Variants in FA2H observed in about 807,000 individuals in gnomAD.
The protein encoded by FA2H is fatty acid alpha-hydroxylase.
FA2H carries 22 observed loss-of-function variants against 44.9 expected under a neutral mutation model. The observed-to-expected ratio is 0.49, with a 90% confidence interval of 0.35 to 0.70. The LOEUF (loss-of-function observed/expected upper bound fraction) is 0.70. FA2H is among the 30% of genes least tolerant of loss of function. The pLI, the probability that FA2H is intolerant of heterozygous loss-of-function variation, is 0.01. For synonymous variants in FA2H, 243 were observed against 213.2 expected, an observed-to-expected ratio of 1.14 and a Z score of -1.22; for missense variants, 501 against 504.9, an observed-to-expected ratio of 0.99 and a Z score of 0.07.
At chr16:74,752,921 C>A (rs1962554031) in intron 1 of FA2H, among the ~76,000 whole-genome samples, 1 of 152,188 alleles carries the variant, frequency 6.6e-6, no homozygotes, top group South Asian at 2.1e-4. Context: ...TCAGAGAGAC[C>A]AGAATGTCAC....
rs61383132 is a variant in FA2H, at chr16:74,763,584, T to C, written c.270+10902A>G. ...GGAATTTATAAACTAAAACCAGCCA[T>C]TTCTAGAGATCCCTAAAAACTCTAA... On this transcript the variant is annotated intron_variant, in intron 1 of 6. Transcript: ENST00000219368. 6.6e-3 allele frequency among the ~76,000 whole-genome samples: 1,004 copies of C among 152,322 alleles called. 13 individuals are homozygous for C. Among genetic ancestry groups the C allele is most frequent in the African/African-American group, 0.023 (969 of 41,580 alleles).
intron 6 of FA2H, among the ~76,000 whole-genome samples, chr16:74,715,711 T>G (rs1480018016): frequency 1.3e-5 from 2 of 152,238 alleles, no homozygotes; most frequent in African/African-American, 2.4e-5. Flanking sequence ...ACTAGAAAAT[T>G]TAAAATCACA....
In FA2H at chr16:74,747,251, C is replaced by T. The variant is rs548460283; in HGVS notation, c.271-7136G>A. 3.5e-4 allele frequency among the ~76,000 whole-genome samples: 53 copies of T among 152,096 alleles called. 1 individual carries two copies. In the South Asian group the frequency reaches 0.01, roughly 30 times the overall value. ...GCTTGAACCCAGGAAATGGAGGCTG[C>T]AGTGAGCCGAGATCTCGCCACTGCA... is the stretch of plus-strand genomic sequence containing the variant. On this transcript the variant is annotated intron_variant, in intron 1 of 6. Coordinates refer to ENST00000219368, the MANE Select transcript of FA2H (RefSeq NM_024306.5).
chr16:74,735,701 C>T (rs1159228811), intron 2 of FA2H, among the ~76,000 whole-genome samples: 1 of 152,156 alleles, frequency 6.6e-6, no homozygotes, highest in African/African-American at 2.4e-5. Flanking sequence ...GATAATCCTA[C>T]GCAATAATAA....
intron 1 of FA2H, among the ~76,000 whole-genome samples, chr16:74,759,422 C>T (rs951243184): frequency 2.6e-5 from 4 of 152,164 alleles, no homozygotes; most frequent in Non-Finnish European, 5.9e-5. Context: ...ACTCAGGGTG[C>T]AAGGTGAACT....
chr16:74,745,022 C>A, intron 1 of FA2H, among the ~76,000 whole-genome samples: 1 of 152,136 alleles, frequency 6.6e-6, no homozygotes, highest in Admixed American at 6.5e-5. Flanking sequence ...GGTGTCCAAC[C>A]CATCTGTGTC....
intron 1 of FA2H, among the ~76,000 whole-genome samples, chr16:74,747,433 C>G (rs1962446040): frequency 6.6e-6 from 1 of 152,170 alleles, no homozygotes; most frequent in African/African-American, 2.4e-5. Context: ...CCTCCAGGGT[C>G]TCGCTTCCCA....
At chr16:74,738,221 G>T (rs1962219262) in intron 2 of FA2H, among the ~76,000 whole-genome samples, 1 of 152,182 alleles carries the variant, frequency 6.6e-6, no homozygotes, top group East Asian at 1.9e-4. Flanking sequence ...TGTAGAGAGA[G>T]AATGAGAGAG....
intron 4 of FA2H, among the ~76,000 whole-genome samples, chr16:74,725,327 A>G (rs1284667051): frequency 1.3e-5 from 2 of 152,296 alleles, no homozygotes; most frequent in Non-Finnish European, 2.9e-5. Context: ...GCAGCTCAGG[A>G]AGCTCAGAGC....
chr16:74,715,193 G>A (rs751713124), intron 6 of FA2H, among the ~76,000 whole-genome samples: 6 of 152,086 alleles, frequency 3.9e-5, no homozygotes, highest in Non-Finnish European at 5.9e-5. Flanking sequence ...TATGGATCTA[G>A]TATTTCTAAT....
intron 1 of FA2H, among the ~76,000 whole-genome samples, chr16:74,771,326 GATTACAGGCATGCACCACCACGCCC>G (rs1962901808): frequency 6.6e-6 from 1 of 152,030 alleles, no homozygotes; most frequent in Non-Finnish European, 1.5e-5. Context: ...GAGCAGCTGG[GATTACAGGCATGCACCACCACGCCC>G]AGCTAATTTT....
At chr16:74,718,921 G>C (rs1961767722) in intron 5 of FA2H, 67 bp downstream of exon 5, 5 of 1,577,080 alleles carry the variant, frequency 3.2e-6, no homozygotes, top group Admixed American at 3.4e-5. Flanking sequence ...ACCTGAAGCT[G>C]CGGCTGGCTG....
At chr16:74,719,291 A>C in intron 4 of FA2H, 131 bp from the exon 5 acceptor site, 1 of 758,856 alleles carries the variant, frequency 1.3e-6, no homozygotes, top group Non-Finnish European at 2.2e-6. Flanking sequence ...GGGCCAGGCC[A>C]TACTGCTGGG....
chr16:74,741,935 C>A (rs950517402), intron 1 of FA2H, among the ~76,000 whole-genome samples: 3 of 150,258 alleles, frequency 2.0e-5, no homozygotes, highest in Non-Finnish European at 4.4e-5. Flanking sequence ...GCACATCATA[C>A]ATGGAAATGC....
At chr16:74,750,355 CAA>C (rs1962506588) in intron 1 of FA2H, among the ~76,000 whole-genome samples, 1 of 152,200 alleles carries the variant, frequency 6.6e-6, no homozygotes, top group Admixed American at 6.5e-5. Flanking sequence ...AAAGGAGAAT[CAA>C]GACTATTGAT....
chr16:74,761,464 AAG>A (rs1567649666), intron 1 of FA2H, among the ~76,000 whole-genome samples: 259 of 13,840 alleles, frequency 0.019, 1 homozygote, highest in African/African-American at 0.05. Flanking sequence ...AAAAAAAAGA[AAG>A]AAAGAAAGAA....
chr16:74,755,050 G>T (rs1962589885), intron 1 of FA2H, among the ~76,000 whole-genome samples: 1 of 152,196 alleles, frequency 6.6e-6, no homozygotes, highest in African/African-American at 2.4e-5. Flanking sequence ...TAGAAGCCCG[G>T]AGAGGGGCTT....
At chr16:74,728,890 C>G (rs1182337778) in intron 2 of FA2H, among the ~76,000 whole-genome samples, 1 of 146,348 alleles carries the variant, frequency 6.8e-6, no homozygotes, top group Non-Finnish European at 1.5e-5. Context: ...TCAAGTGATT[C>G]TCCTGCCTCA....
Position 74,726,216 on chromosome 16 carries a change from T to C in FA2H, c.613+9A>G, listed in dbSNP as rs1289023770. ...CCTCAGGGCAAGTCAGGAAAGAAAC[T>C]GGCATTACCTGTTGTAAATGACGTG... On this transcript the variant is annotated intron_variant, in intron 4 of 6. Transcript: ENST00000219368. 1 of 1,592,024 alleles carries C rather than the reference T, an allele frequency of 6.3e-7. No homozygotes were observed. Among genetic ancestry groups the C allele is most frequent in the Non-Finnish European group, 8.6e-7 (1 of 1,160,256 alleles).
Sources: allele counts gnomAD v4.1 joint callset (sites outside exome capture counted in the v4.1 genomes callset), GRCh38; gene constraint gnomAD v4.1.1; transcripts MANE v1.5; gene names NCBI Gene and HGNC (gene_info 2026-07-23, HGNC 2026-07-21).